The following PRELID2 variants were observed in gnomAD, a reference collection of about 807,000 sequenced individuals.
PRELID2 encodes PRELI domain-containing protein 2.
Under a neutral mutation model 28.4 loss-of-function variants are expected in PRELID2, and 25 were observed. The observed-to-expected ratio is 0.88, with a 90% CI of 0.64 to 1.23. The LOEUF is 1.23. PRELID2 is among the 50% of genes most tolerant of loss of function. The pLI, the probability that PRELID2 is intolerant of heterozygous loss-of-function variation, is 0.00. For synonymous variants in PRELID2, 76 were observed against 71.6 expected (o/e 1.06, Z -0.31); for missense variants, 201 against 214.4 (o/e 0.94, Z 0.39).
At chr5:145,636,039 T>C (rs1470921107) in intron 1 of PRELID2, among the ~76,000 whole-genome samples, 2 of 152,186 alleles carry the variant, frequency 1.3e-5, no homozygotes, top group African/African-American at 4.8e-5. Context: ...GAAGGCAACA[T>C]GGTAGCAGCT....
chr5:145,371,666 G>A, the PRELID2 span, among the ~76,000 whole-genome samples: 1 of 152,004 alleles, frequency 6.6e-6, no homozygotes, highest in Admixed American at 6.6e-5. Context: ...CAATTCTTTG[G>A]AATAGTTTCA....
intron 1 of PRELID2, chr5:145,729,244 C>A: frequency 1.0e-6 from 1 of 1,001,004 alleles, no homozygotes; most frequent in South Asian, 1.3e-5. Context: ...ATGAATGATG[C>A]TGCAAAAATT....
At chr5:145,457,095 A>G in the PRELID2 span, among the ~76,000 whole-genome samples, 2 of 151,982 alleles carry the variant, frequency 1.3e-5, no homozygotes, top group Non-Finnish European at 2.9e-5. Context: ...TTTTTTGGAA[A>G]TGGGGGTAGT....
Position 145,683,124 on chromosome 5 carries a change from A to G in PRELID2, n.70+81807T>C, listed in dbSNP as rs1754970190. 2.0e-5 allele frequency among the ~76,000 whole-genome samples: 3 copies of G among 152,052 alleles called. No individual in the cohort carries two copies. The South Asian group carries it at 6.2e-4, about 32-fold the overall frequency. ...TCTAGGTAGTACAGAACAGTTAAGA[A>G]CCTAGGTACTGGTGTCAGAAAGATT... On this transcript the variant is annotated intron_variant and non_coding_transcript_variant, in intron 1 of 2. Transcript: ENST00000510259.
At chr5:145,381,133 T>C in the PRELID2 span, among the ~76,000 whole-genome samples, 1 of 152,182 alleles carries the variant, frequency 6.6e-6, no homozygotes, top group African/African-American at 2.4e-5. Context: ...CTAAGAGTGA[T>C]TAAACACAGA....
chr5:145,805,118 A>C (rs987838518), intron 4 of PRELID2, among the ~76,000 whole-genome samples: 2 of 152,164 alleles, frequency 1.3e-5, no homozygotes, highest in Admixed American at 1.3e-4. Flanking sequence ...AAAAGAAAAA[A>C]ATTTAACTGG....
chr5:145,751,215 T>C (rs1447555091), intron 1 of PRELID2, among the ~76,000 whole-genome samples: 1 of 152,232 alleles, frequency 6.6e-6, no homozygotes, highest in African/African-American at 2.4e-5. Flanking sequence ...AGCTCTATAT[T>C]AACTCAGTAT....
At chr5:145,248,900 C>A in the PRELID2 span, among the ~76,000 whole-genome samples, 94 of 152,270 alleles carry the variant, frequency 6.2e-4, no homozygotes, top group African/African-American at 2.1e-3. Flanking sequence ...GTGCCAACAA[C>A]TAAATTTCAG....
At chr5:145,654,316 T>G (rs904078096) in intron 1 of PRELID2, among the ~76,000 whole-genome samples, 3 of 152,232 alleles carry the variant, frequency 2.0e-5, no homozygotes, top group Admixed American at 6.5e-5. Flanking sequence ...TTCTACCAGA[T>G]GTACAAGGAG....
intron 1 of PRELID2, among the ~76,000 whole-genome samples, chr5:145,598,901 G>A (rs950093156): frequency 6.6e-6 from 1 of 152,148 alleles, no homozygotes; most frequent in African/African-American, 2.4e-5. Context: ...TGACTGTTAA[G>A]CTAAATACTC....
chr5:145,693,505 A>G (rs1382964987), intron 1 of PRELID2, among the ~76,000 whole-genome samples: 1 of 152,024 alleles, frequency 6.6e-6, no homozygotes, highest in Non-Finnish European at 1.5e-5. Context: ...GCAGTGGCTC[A>G]TACCTATAAT....
intron 1 of PRELID2, among the ~76,000 whole-genome samples, chr5:145,725,348 G>A (rs1455115577): frequency 6.6e-6 from 1 of 152,152 alleles, no homozygotes; most frequent in East Asian, 1.9e-4. Flanking sequence ...CTTGGAGTTG[G>A]TAGAAATGTA....
the PRELID2 span, among the ~76,000 whole-genome samples, chr5:145,373,060 AAT>A: frequency 3.0e-4 from 21 of 69,310 alleles, 2 homozygotes; most frequent in East Asian, 5.5e-3. Flanking sequence ...CAACATATAT[AAT>A]ATATGATATA....
chr5:145,779,375 G>A (rs935924571), intron 5 of PRELID2, among the ~76,000 whole-genome samples: 6 of 152,004 alleles, frequency 3.9e-5, no homozygotes, highest in African/African-American at 1.4e-4. Context: ...GTATAAAGTT[G>A]TTTCACATGG....
the PRELID2 span, among the ~76,000 whole-genome samples, chr5:145,389,752 T>C: frequency 6.6e-6 from 1 of 152,172 alleles, no homozygotes; most frequent in Non-Finnish European, 1.5e-5. Context: ...GCTCACTTTG[T>C]CTCTGAAATT....
At chr5:145,375,319 G>A in the PRELID2 span, among the ~76,000 whole-genome samples, 5 of 152,188 alleles carry the variant, frequency 3.3e-5, 1 homozygote, top group Middle Eastern at 3.4e-3. Context: ...ACTCAAGGAG[G>A]CTGGATAATA....
At chr5:145,353,756 C>T in the PRELID2 span, among the ~76,000 whole-genome samples, 1 of 152,120 alleles carries the variant, frequency 6.6e-6, no homozygotes, top group Non-Finnish European at 1.5e-5. Flanking sequence ...CACTGGGTCC[C>T]TCCTGTGACA....
intron 1 of PRELID2, among the ~76,000 whole-genome samples, chr5:145,601,690 T>C (rs1485221112): frequency 6.6e-6 from 1 of 152,176 alleles, no homozygotes; most frequent in Non-Finnish European, 1.5e-5. Flanking sequence ...ACTTTGGCAC[T>C]GAGAGAGTTT....
intron 1 of PRELID2, among the ~76,000 whole-genome samples, chr5:145,642,515 T>C (rs776128014): frequency 6.6e-6 from 1 of 152,238 alleles, no homozygotes; most frequent in Non-Finnish European, 1.5e-5. Context: ...AGCTCTTTAA[T>C]TTAATTAGAT....
Sources: gnomAD v4.1 joint callset for allele counts (sites outside exome capture counted in the v4.1 genomes callset) on GRCh38, gnomAD v4.1.1 for gene constraint, MANE v1.5 for transcripts, NCBI Gene and HGNC (gene_info 2026-07-23, HGNC 2026-07-21) for gene names.